Variants in EDAR observed in about 807,000 individuals in gnomAD.
EDAR encodes ectodysplasin A receptor, also known as tumor necrosis factor receptor superfamily member EDAR.
A neutral mutation model predicts 51.3 loss-of-function variants in EDAR; 38 were observed. That is an observed-to-expected ratio of 0.74 (90% confidence interval 0.57 to 0.97). The LOEUF (loss-of-function observed/expected upper bound fraction) is 0.97, where lower values mean the gene tolerates loss of function less well. Among genes scored for constraint, EDAR ranks in the 50% least tolerant of loss-of-function variants. The pLI is 0.00. For synonymous variants in EDAR, 227 were observed against 242.1 expected, an observed-to-expected ratio of 0.94 and a Z score of 0.58; for missense variants, 528 against 595.0, an observed-to-expected ratio of 0.89 and a Z score of 1.17.
chr2:108,930,346 G>A, intron 2 of EDAR, 104 bp from the exon 3 acceptor site: 3 of 1,300,598 alleles, frequency 2.3e-6, no homozygotes, highest in Non-Finnish European at 3.3e-6. Context: ...CCTGCGGTGG[G>A]GGCTCTGCTG....
At chr2:108,950,966 C>A (rs1006629700) in intron 1 of EDAR, among the ~76,000 whole-genome samples, 1 of 152,214 alleles carries the variant, frequency 6.6e-6, no homozygotes, top group Non-Finnish European at 1.5e-5. Context: ...AGTTGGGGGA[C>A]TCAGCTGCAG....
chr2:108,921,964 G>T (rs1028428241), intron 5 of EDAR, among the ~76,000 whole-genome samples: 6 of 152,248 alleles, frequency 3.9e-5, no homozygotes, highest in African/African-American at 1.4e-4. Flanking sequence ...GCAGGCAAGG[G>T]CTGGGGGTGG....
intron 11 of EDAR, among the ~76,000 whole-genome samples, chr2:108,898,436 C>T (rs1175630415): frequency 1.3e-5 from 2 of 152,120 alleles, no homozygotes; most frequent in Non-Finnish European, 2.9e-5. Context: ...CAAGACAGCA[C>T]CCTCATTCTC....
At chr2:108,912,183 G>A (rs1470564336) in intron 6 of EDAR, among the ~76,000 whole-genome samples, 3 of 152,200 alleles carry the variant, frequency 2.0e-5, no homozygotes, top group African/African-American at 7.2e-5. Flanking sequence ...GAGAGAGAAA[G>A]GCCAAGCCAG....
chr2:108,985,895 A>G (rs1029981534), intron 1 of EDAR, among the ~76,000 whole-genome samples: 3 of 152,124 alleles, frequency 2.0e-5, no homozygotes, highest in Admixed American at 6.5e-5. Flanking sequence ...ACATATTTTC[A>G]TGGAGTGCAT....
chr2:108,972,215 C>T (rs952302815), intron 1 of EDAR, among the ~76,000 whole-genome samples: 1 of 152,266 alleles, frequency 6.6e-6, no homozygotes, highest in African/African-American at 2.4e-5. Flanking sequence ...GCACAGATGA[C>T]TAATACGCCT....
chr2:108,925,347 C>T (rs543330128), intron 4 of EDAR, among the ~76,000 whole-genome samples: 2 of 152,364 alleles, frequency 1.3e-5, no homozygotes, highest in Middle Eastern at 3.4e-3. Context: ...GTTCACACCC[C>T]AGGTGCCGGG....
chr2:108,982,524 T>C (rs1217172212), intron 1 of EDAR, among the ~76,000 whole-genome samples: 2 of 152,238 alleles, frequency 1.3e-5, no homozygotes. Context: ...CATTTTGCAA[T>C]CTTCACAAAA....
intron 1 of EDAR, among the ~76,000 whole-genome samples, chr2:108,941,185 G>A (rs896415936): frequency 3.9e-5 from 6 of 152,282 alleles, no homozygotes; most frequent in South Asian, 2.1e-4. Flanking sequence ...TTTTATTGCC[G>A]AATCGTATTC....
intron 6 of EDAR, among the ~76,000 whole-genome samples, chr2:108,911,529 A>G (rs1225552566): frequency 2.0e-5 from 3 of 152,270 alleles, no homozygotes; most frequent in African/African-American, 7.2e-5. Context: ...ATTTCAACCT[A>G]AGTGTCATTG....
rs1337698895 is a variant in EDAR, at chr2:108,896,412, G to A, written c.*495C>T. The A allele has an allele frequency of 1.3e-5, 2 of 156,746 alleles. No homozygotes were observed. The highest frequency in any genetic ancestry group is 6.1e-5 in the Admixed American group (1 of 16,432). The allele number at this position is 156,746 out of a possible 1,614,324, so 9.7% of individuals were successfully genotyped here. On this transcript the variant is annotated 3_prime_UTR_variant, in exon 12 of 12. Coordinates refer to ENST00000258443, the MANE Select transcript of EDAR (RefSeq NM_022336.4). ...CCATCCTTCATCATCCCAGTAGGGA[G>A]TCATCTCCCGCTTAGAACTTCTATT...
rs1394861257 is a variant in EDAR at position 108,952,306 on chromosome 2, T to C, written c.-18-21274A>G. 2.0e-5 allele frequency among the ~76,000 whole-genome samples: 3 copies of C among 152,324 alleles called. No homozygotes were observed. The South Asian group carries it at 6.2e-4, about 32-fold the overall frequency. The stretch of plus-strand genomic sequence containing the variant: ...GGGGACTGGGAGATTGGGTAGAAGG[T>C]AGTTTGGTGACTAATTGCAAAATAC... On this transcript the variant is annotated intron_variant, in intron 1 of 11. Coordinates refer to ENST00000258443, the MANE Select transcript of EDAR (RefSeq NM_022336.4).
intron 1 of EDAR, among the ~76,000 whole-genome samples, chr2:108,932,117 A>G (rs1427867559): frequency 6.6e-6 from 1 of 152,186 alleles, no homozygotes. Context: ...TGACGAACAT[A>G]TGCCATGATG....
intron 1 of EDAR, among the ~76,000 whole-genome samples, chr2:108,935,225 T>G (rs1387562939): frequency 6.6e-6 from 1 of 152,298 alleles, no homozygotes; most frequent in Admixed American, 6.5e-5. Flanking sequence ...CCATCTAGAA[T>G]GATGACACAG....
intron 1 of EDAR, among the ~76,000 whole-genome samples, chr2:108,938,094 ACT>A (rs1372602146): frequency 6.6e-6 from 1 of 152,064 alleles, no homozygotes; most frequent in Non-Finnish European, 1.5e-5. Flanking sequence ...ATTCTTCAGA[ACT>A]CTCTGTGCAT....
chr2:108,927,073 A>T (rs1697270589), intron 4 of EDAR, among the ~76,000 whole-genome samples: 1 of 152,164 alleles, frequency 6.6e-6, no homozygotes, highest in Non-Finnish European at 1.5e-5. Flanking sequence ...GGGCGTTGGG[A>T]CTGGCAGTGA....
chr2:108,909,618 AG>A (rs533988887), intron 9 of EDAR, among the ~76,000 whole-genome samples: 1 of 152,218 alleles, frequency 6.6e-6, no homozygotes, highest in African/African-American at 2.4e-5. Flanking sequence ...GAGGCCTGGC[AG>A]GGGGGTCCGA....
At chr2:108,921,305 A>G (rs1394860008) in intron 5 of EDAR, among the ~76,000 whole-genome samples, 2 of 152,072 alleles carry the variant, frequency 1.3e-5, no homozygotes, top group African/African-American at 4.8e-5. Context: ...GCTGCGACCC[A>G]TTGTCTGCTG....
At chr2:108,908,184 A>G (rs998514690) in intron 9 of EDAR, among the ~76,000 whole-genome samples, 165 bp from the exon 10 acceptor site, 1 of 152,090 alleles carries the variant, frequency 6.6e-6, no homozygotes, top group Non-Finnish European at 1.5e-5. Flanking sequence ...ACCAGGGGAC[A>G]TGAGACGAGA....
Sources: gnomAD v4.1 joint callset for allele counts (sites outside exome capture counted in the v4.1 genomes callset) on GRCh38, gnomAD v4.1.1 for gene constraint, MANE v1.5 for transcripts, NCBI Gene and HGNC (gene_info 2026-07-23, HGNC 2026-07-21) for gene names.